TAFA5: variants seen among roughly 807,000 people sequenced by gnomAD.
The protein encoded by TAFA5 is TAFA chemokine like family member 5.
TAFA5 carries 6 observed loss-of-function variants against 15.3 expected under a neutral mutation model. The ratio of observed to expected loss-of-function variants is 0.39; its 90% CI spans 0.21 to 0.77. TAFA5 has a LOEUF of 0.77. Among genes scored for constraint, TAFA5 ranks in the 30% least tolerant of loss-of-function variants. The pLI, the probability that TAFA5 is intolerant of heterozygous loss-of-function variation, is 0.41. For synonymous variants in TAFA5, 103 were observed against 80.7 expected (o/e 1.28, Z -1.48); for missense variants, 161 against 193.1 (o/e 0.83, Z 0.98).
intron 1 of TAFA5, among the ~76,000 whole-genome samples, chr22:48,576,905 C>T (rs188524899): frequency 1.3e-3 from 199 of 152,070 alleles, no homozygotes; most frequent in African/African-American, 4.6e-3. Context: ...GTGGCAGCGG[C>T]GCCCGCCCGC....
chr22:48,616,971 A>AT (rs1461281227), intron 1 of TAFA5, among the ~76,000 whole-genome samples: 3 of 151,952 alleles, frequency 2.0e-5, no homozygotes, highest in Non-Finnish European at 2.9e-5. Context: ...TGGTGAGTTC[A>AT]TTGTTGGGCG....
At chr22:48,503,221 T>C (rs1162713170) in intron 1 of TAFA5, among the ~76,000 whole-genome samples, 1 of 152,210 alleles carries the variant, frequency 6.6e-6, no homozygotes, top group Non-Finnish European at 1.5e-5. Flanking sequence ...AGAGAAGAGT[T>C]CTTGCTGCCC....
At chr22:48,601,606 C>T (rs564353646) in intron 1 of TAFA5, among the ~76,000 whole-genome samples, 6 of 152,292 alleles carry the variant, frequency 3.9e-5, no homozygotes, top group East Asian at 3.9e-4. Flanking sequence ...GGATTACAGG[C>T]GGGAGCCACC....
intron 1 of TAFA5, among the ~76,000 whole-genome samples, chr22:48,618,673 A>C (rs548288727): frequency 6.6e-6 from 1 of 152,324 alleles, no homozygotes; most frequent in Non-Finnish European, 1.5e-5. Context: ...GGCAGTGTGC[A>C]CAGCGGGCCC....
chr22:48,539,440 T>A (rs1405205023), intron 1 of TAFA5: 4 of 471,140 alleles, frequency 8.5e-6, no homozygotes, highest in Non-Finnish European at 1.8e-5. Flanking sequence ...TTGATTTCCC[T>A]CTTGGCATCT....
chr22:48,592,671 C>T (rs1000715586), intron 1 of TAFA5, among the ~76,000 whole-genome samples: 9 of 152,142 alleles, frequency 5.9e-5, no homozygotes, highest in Non-Finnish European at 8.8e-5. Context: ...CCCTCACTCC[C>T]TCCTCTCAGT....
chr22:48,615,297 C>G (rs1255673878), intron 1 of TAFA5, among the ~76,000 whole-genome samples: 2 of 152,198 alleles, frequency 1.3e-5, no homozygotes, highest in African/African-American at 4.8e-5. Context: ...TCGTATCTGC[C>G]CATGGTGGCA....
At chr22:48,576,038 GAC>G (rs1491102636) in intron 1 of TAFA5, among the ~76,000 whole-genome samples, 1 of 40,006 alleles carries the variant, frequency 2.5e-5, no homozygotes, top group Non-Finnish European at 4.5e-5. Flanking sequence ...GGCCGCGCCG[GAC>G]CCCCCCCCCC....
intron 1 of TAFA5, among the ~76,000 whole-genome samples, chr22:48,579,160 TTG>T (rs1156270391): frequency 1.3e-5 from 2 of 152,008 alleles, no homozygotes; most frequent in African/African-American, 4.8e-5. Flanking sequence ...CTTCCAGTGT[TTG>T]TGGAGATGAA....
intron 1 of TAFA5, among the ~76,000 whole-genome samples, chr22:48,521,676 C>A (rs1921604937): frequency 1.3e-5 from 2 of 152,118 alleles, no homozygotes; most frequent in Non-Finnish European, 2.9e-5. Flanking sequence ...GATGCGTGGC[C>A]ACAGATGGAC....
chr22:48,648,554 G>A (rs886885035), intron 2 of TAFA5, among the ~76,000 whole-genome samples: 2 of 152,100 alleles, frequency 1.3e-5, no homozygotes, highest in African/African-American at 2.4e-5. Flanking sequence ...AAGAATGCCC[G>A]TATCAGCCAG....
At chr22:48,673,413 C>T (rs908477635) in intron 2 of TAFA5, among the ~76,000 whole-genome samples, 6 of 152,180 alleles carry the variant, frequency 3.9e-5, no homozygotes, top group Non-Finnish European at 8.8e-5. Context: ...CCTGTCTCGT[C>T]GCTTTCTGGA....
intron 1 of TAFA5, among the ~76,000 whole-genome samples, chr22:48,571,271 C>CTTTTTTTTT (rs869050468): frequency 4.1e-5 from 4 of 97,710 alleles, no homozygotes; most frequent in Non-Finnish European, 6.1e-5. Flanking sequence ...TTGTTGTTTG[C>CTTTTTTTTT]TTTTTTTTTT....
At chr22:48,740,682 G>A (rs186120053) in intron 3 of TAFA5, among the ~76,000 whole-genome samples, 162 of 152,294 alleles carry the variant, frequency 1.1e-3, no homozygotes, top group African/African-American at 3.8e-3. Flanking sequence ...AGCATGTCAC[G>A]TGTCCACCCC....
chr22:48,656,477 G>T (rs1448674929), intron 2 of TAFA5, among the ~76,000 whole-genome samples: 1 of 151,470 alleles, frequency 6.6e-6, no homozygotes, highest in Non-Finnish European at 1.5e-5. Flanking sequence ...CTGAACTCCA[G>T]CCTGGTGACA....
intron 2 of TAFA5, among the ~76,000 whole-genome samples, chr22:48,699,049 C>G (rs1928819914): frequency 6.6e-6 from 1 of 150,730 alleles, no homozygotes; most frequent in Non-Finnish European, 1.5e-5. Flanking sequence ...TCAAGTGATT[C>G]CCCTGCCTCG....
intron 1 of TAFA5, among the ~76,000 whole-genome samples, chr22:48,602,764 C>T (rs1157360489): frequency 6.6e-6 from 1 of 152,088 alleles, no homozygotes; most frequent in African/African-American, 2.4e-5. Context: ...GTCCAGTGAA[C>T]ACCTGGTGAA....
intron 3 of TAFA5, among the ~76,000 whole-genome samples, chr22:48,734,078 C>T (rs918615170): frequency 3.9e-5 from 6 of 152,216 alleles, no homozygotes; most frequent in Admixed American, 3.9e-4. Flanking sequence ...TTGCTGCTGA[C>T]TTCCAAGCAC....
At chr22:48,515,973 C>G (rs569787027) in intron 1 of TAFA5, among the ~76,000 whole-genome samples, 1 of 151,938 alleles carries the variant, frequency 6.6e-6, no homozygotes, top group Admixed American at 6.6e-5. Flanking sequence ...AAAGGCAACC[C>G]GGGCAGCCAC....
Sources: allele counts gnomAD v4.1 joint callset (sites outside exome capture counted in the v4.1 genomes callset), GRCh38; gene constraint gnomAD v4.1.1; transcripts MANE v1.5; gene names NCBI Gene and HGNC (gene_info 2026-07-23, HGNC 2026-07-21).